G2E3: variants seen among roughly 807,000 people sequenced by gnomAD.
The protein encoded by G2E3 is G2/M phase-specific E3 ubiquitin-protein ligase.
A neutral mutation model predicts 92.8 loss-of-function variants in G2E3; 35 were observed. That is an observed-to-expected ratio of 0.38 (90% CI 0.29 to 0.50). The LOEUF (loss-of-function observed/expected upper bound fraction) is 0.50. Ranked by LOEUF, G2E3 falls within the 20% of genes least tolerant of loss-of-function variation. G2E3 has a pLI of 0.94. For missense variants in G2E3, 554 were observed against 823.8 expected, an observed-to-expected ratio of 0.67 and a Z score of 4.01; for synonymous variants, 242 against 272.4, an observed-to-expected ratio of 0.89 and a Z score of 1.10.
chr14:30,606,557 A>G (rs987312136), intron 11 of G2E3, among the ~76,000 whole-genome samples: 1 of 152,100 alleles, frequency 6.6e-6, no homozygotes, highest in Non-Finnish European at 1.5e-5. Flanking sequence ...AACTTTCCAA[A>G]TAGTAATGTT....
chr14:30,591,120 G>A (rs1037234365), intron 4 of G2E3, among the ~76,000 whole-genome samples: 1 of 152,110 alleles, frequency 6.6e-6, no homozygotes, highest in Non-Finnish European at 1.5e-5. Context: ...TCCTCTCCAA[G>A]TATATTGTGA....
chr14:30,608,118 T>G (rs1881917731), intron 12 of G2E3, 49 bp downstream of exon 12: 1 of 1,068,616 alleles, frequency 9.4e-7, no homozygotes, highest in African/African-American at 1.6e-5. Flanking sequence ...TCTAGGTATC[T>G]TTTAATGTAA....
At chr14:30,613,387 A>G (rs991566617) in intron 13 of G2E3, among the ~76,000 whole-genome samples, 2 of 152,214 alleles carry the variant, frequency 1.3e-5, no homozygotes, top group African/African-American at 4.8e-5. Flanking sequence ...TATAGTTACT[A>G]TTACTACTGA....
chr14:30,563,382 A>C (rs1204805817), intron 1 of G2E3, among the ~76,000 whole-genome samples: 3 of 152,140 alleles, frequency 2.0e-5, no homozygotes, highest in Non-Finnish European at 2.9e-5. Flanking sequence ...ATAAAGCCCC[A>C]TACCACTTAA....
intron 13 of G2E3, among the ~76,000 whole-genome samples, chr14:30,614,009 T>G (rs1211042866): frequency 1.3e-5 from 2 of 152,238 alleles, no homozygotes. Flanking sequence ...TTTTTTATTT[T>G]TAGTGATTAG....
At chr14:30,587,246 T>C (rs1038352260) in intron 3 of G2E3, among the ~76,000 whole-genome samples, 5 of 152,132 alleles carry the variant, frequency 3.3e-5, no homozygotes, top group African/African-American at 1.2e-4. Context: ...CTAAAGGTGA[T>C]AAATATTTTT....
chr14:30,591,591 A>G (rs1881015259), intron 4 of G2E3, among the ~76,000 whole-genome samples: 2 of 152,112 alleles, frequency 1.3e-5, no homozygotes, highest in South Asian at 4.1e-4. Context: ...CAACCTTTGG[A>G]GTACCTTGGC....
At chr14:30,563,808 C>T (rs933238776) in intron 1 of G2E3, among the ~76,000 whole-genome samples, 24 of 151,834 alleles carry the variant, frequency 1.6e-4, no homozygotes, top group African/African-American at 5.3e-4. Flanking sequence ...CAACCTCCGC[C>T]TTCCCGGTTC....
chr14:30,570,985 T>A (rs775737908), intron 1 of G2E3, among the ~76,000 whole-genome samples: 4 of 152,114 alleles, frequency 2.6e-5, no homozygotes, highest in Non-Finnish European at 5.9e-5. Flanking sequence ...TTAAGTACAG[T>A]TTATCTTTTT....
At chr14:30,569,200 A>C (rs1489389987) in intron 1 of G2E3, among the ~76,000 whole-genome samples, 1 of 152,206 alleles carries the variant, frequency 6.6e-6, no homozygotes, top group Non-Finnish European at 1.5e-5. Context: ...CTCTCTCCCC[A>C]GGGATAACCA....
chr14:30,560,960 C>T (rs1276133144), intron 1 of G2E3: 1 of 606,322 alleles, frequency 1.6e-6, no homozygotes, highest in Non-Finnish European at 2.9e-6. Flanking sequence ...AAGCCCATCT[C>T]CACCACTTGA....
intron 1 of G2E3, among the ~76,000 whole-genome samples, chr14:30,568,556 A>G (rs547325054): frequency 2.0e-5 from 3 of 152,100 alleles, no homozygotes; most frequent in South Asian, 4.2e-4. Flanking sequence ...TTTTCTGCAC[A>G]TATTTTTTAG....
Position 30,617,905 on chromosome 14 carries a change from A to G in G2E3, c.*1371A>G, listed in dbSNP as rs1420941340. The G allele has an allele frequency of 1.5e-5, 2 of 129,576 alleles. No individual in the cohort carries two copies. Among genetic ancestry groups the G allele is most frequent in the Non-Finnish European group, 3.2e-5 (2 of 62,656 alleles). The allele number at this position is 129,576 out of a possible 1,614,324, so 8.0% of individuals were successfully genotyped here. Reference sequence around the variant, plus strand: ...CTTAATCTATTAACATATTTAAATGATATAATGGTTCAGTTTTCCATGAAA... The same window carrying G: ...CTTAATCTATTAACATATTTAAATGGTATAATGGTTCAGTTTTCCATGAAA... On this transcript the variant is annotated 3_prime_UTR_variant, in exon 15 of 15. Coordinates refer to ENST00000206595, the MANE Select transcript of G2E3 (RefSeq NM_017769.5).
chr14:30,599,480 G>C (rs1011869794), intron 8 of G2E3, among the ~76,000 whole-genome samples: 1 of 152,150 alleles, frequency 6.6e-6, no homozygotes, highest in Non-Finnish European at 1.5e-5. Context: ...GCCCGCCTCG[G>C]CCTCCCAAAG....
chr14:30,561,879 G>T (rs1174491285), intron 1 of G2E3, among the ~76,000 whole-genome samples: 2 of 150,876 alleles, frequency 1.3e-5, no homozygotes, highest in East Asian at 1.9e-4. Flanking sequence ...GCTTTTTTCT[G>T]AGATGATAGC....
At chr14:30,600,136 T>G (rs1881495305) in intron 8 of G2E3, among the ~76,000 whole-genome samples, 1 of 152,202 alleles carries the variant, frequency 6.6e-6, no homozygotes, top group East Asian at 1.9e-4. Flanking sequence ...GTAGTCTTAC[T>G]TAACATAGTA....
intron 11 of G2E3, among the ~76,000 whole-genome samples, chr14:30,606,654 C>T (rs1319882398): frequency 2.0e-5 from 3 of 152,100 alleles, no homozygotes; most frequent in Non-Finnish European, 4.4e-5. Flanking sequence ...TAGTTCTTTA[C>T]ATCCTTAATT....
Position 30,617,435 on chromosome 14 carries a change from G to T in G2E3, c.*901G>T, listed in dbSNP as rs1882365624. On this transcript the variant is annotated 3_prime_UTR_variant, in exon 15 of 15. Coordinates refer to ENST00000206595, the MANE Select transcript of G2E3 (RefSeq NM_017769.5). ...TTGTTGTTGTTTGTATCCTATGTTT[G>T]GTATTCTGTATGTCTGATCCATAAT... The T allele has an allele frequency of 6.6e-6, 1 of 151,798 alleles. No individual in the cohort carries two copies. The highest frequency in any genetic ancestry group is 1.5e-5 in the Non-Finnish European group (1 of 67,904). 9.4% of individuals were successfully genotyped at this position (151,798 alleles called of 1,614,324 possible). A position where few individuals can be genotyped will look rare whatever the true frequency, so the allele number is the denominator to read the frequency against.
At chr14:30,581,871 T>G (rs1305801327) in intron 2 of G2E3, among the ~76,000 whole-genome samples, 1 of 152,210 alleles carries the variant, frequency 6.6e-6, no homozygotes, top group Admixed American at 6.5e-5. Flanking sequence ...ATGAGGAATT[T>G]AAATGATTAC....
Sources: gnomAD v4.1 joint callset for allele counts (sites outside exome capture counted in the v4.1 genomes callset) on GRCh38, gnomAD v4.1.1 for gene constraint, MANE v1.5 for transcripts, NCBI Gene and HGNC (gene_info 2026-07-23, HGNC 2026-07-21) for gene names.